The following ELP3 variants were observed in gnomAD, a reference collection of about 807,000 sequenced individuals.
The protein encoded by ELP3 is elongator acetyltransferase complex subunit 3.
A neutral mutation model predicts 74.9 loss-of-function variants in ELP3; 56 were observed. The ratio of observed to expected loss-of-function variants is 0.75; its 90% CI spans 0.60 to 0.93. The LOEUF (loss-of-function observed/expected upper bound fraction) is 0.93, where lower values mean the gene tolerates loss of function less well. ELP3 is among the 40% of genes least tolerant of loss of function. The pLI, the probability that ELP3 is intolerant of heterozygous loss-of-function variation, is 0.00. For synonymous variants in ELP3, 222 were observed against 239.8 expected (o/e 0.93, Z 0.68); for missense variants, 573 against 686.5 (o/e 0.83, Z 1.85).
At chr8:28,155,678 A>G (rs1813797343) in intron 10 of ELP3, among the ~76,000 whole-genome samples, 1 of 152,172 alleles carries the variant, frequency 6.6e-6, no homozygotes, top group Non-Finnish European at 1.5e-5. Context: ...TTTGCTTAGC[A>G]CTCTGTAATT....
upstream of ELP3, among the ~76,000 whole-genome samples, chr8:28,091,177 A>T (rs909770887): frequency 1.3e-5 from 2 of 152,058 alleles, no homozygotes; most frequent in Non-Finnish European, 2.9e-5. Context: ...AAGTGCTGGG[A>T]TTACAGGCAT....
At chr8:28,168,623 AGGC>A (rs1814401633) in intron 14 of ELP3, among the ~76,000 whole-genome samples, 1 of 152,224 alleles carries the variant, frequency 6.6e-6, no homozygotes, top group Admixed American at 6.5e-5. Context: ...GACACTTCAC[AGGC>A]TTTTTTCTGA....
chr8:28,146,438 A>G (rs1563272505), intron 10 of ELP3, among the ~76,000 whole-genome samples: 1 of 152,386 alleles, frequency 6.6e-6, no homozygotes, highest in African/African-American at 2.4e-5. Flanking sequence ...AGCAAATTGC[A>G]AATATCAGCA....
chr8:28,186,023 T>TA (rs1468563300), intron 14 of ELP3, among the ~76,000 whole-genome samples: 3 of 152,356 alleles, frequency 2.0e-5, no homozygotes, highest in Admixed American at 6.5e-5. Flanking sequence ...CTCAGTGACT[T>TA]ATACCCAACA....
chr8:28,099,781 T>C (rs1811398513), intron 2 of ELP3, 47 bp from the exon 3 acceptor site: 1 of 1,609,584 alleles, frequency 6.2e-7, no homozygotes, highest in African/African-American at 1.3e-5. Flanking sequence ...TGGTAGCTTG[T>C]CCTTAAATAA....
intron 7 of ELP3, among the ~76,000 whole-genome samples, chr8:28,119,640 A>G (rs995314365): frequency 7.9e-6 from 1 of 126,602 alleles, no homozygotes; most frequent in Non-Finnish European, 1.6e-5. Flanking sequence ...GAACACATAT[A>G]TTAAGTATAC....
At position 28,132,883 on chromosome 8, in the gene ELP3, G is replaced by A. The variant is rs141454238; in HGVS notation, c.906+479G>A. Reference sequence around the variant, plus strand: ...TTAATATTATTTAAAAAACACTGCAGGTAAATGACTTTATGTGTATAATTT... The same window carrying A: ...TTAATATTATTTAAAAAACACTGCAAGTAAATGACTTTATGTGTATAATTT... On this transcript the variant is annotated intron_variant, in intron 9 of 14. Transcript: ENST00000256398. Among the ~76,000 whole-genome samples, 812 of 152,042 alleles carry A rather than the reference G, an allele frequency of 5.3e-3. 5 individuals are homozygous for A. The highest frequency in any genetic ancestry group is 0.018 in the African/African-American group (758 of 41,482).
chr8:28,154,503 C>G (rs1813755213), intron 10 of ELP3, among the ~76,000 whole-genome samples: 1 of 151,870 alleles, frequency 6.6e-6, no homozygotes, highest in Non-Finnish European at 1.5e-5. Context: ...AGATGTATAG[C>G]CATATATTTA....
At chr8:28,127,623 G>T (rs1812630399) in intron 7 of ELP3, among the ~76,000 whole-genome samples, 1 of 152,132 alleles carries the variant, frequency 6.6e-6, no homozygotes, top group African/African-American at 2.4e-5. Context: ...GTGGCATCAT[G>T]TACTGTTACT....
At position 28,189,776 on chromosome 8, in the gene ELP3, G is replaced by C; in HGVS notation, c.*51G>C. 6.4e-7 allele frequency: 1 copy of C among 1,572,272 alleles called. No individual in the cohort carries two copies. The highest frequency in any genetic ancestry group is 8.8e-7 in the Non-Finnish European group (1 of 1,142,478). ...AGTATCCTCCCTGGCAGAACACGGAGAATCAGGATTTCTTAAATACTCAAC... is the reference window on the plus strand; with the variant it reads ...AGTATCCTCCCTGGCAGAACACGGACAATCAGGATTTCTTAAATACTCAAC... On this transcript the variant is annotated 3_prime_UTR_variant, in exon 15 of 15. Coordinates refer to ENST00000256398, the MANE Select transcript of ELP3 (RefSeq NM_018091.6).
chr8:28,105,207 C>A (rs1333862788), intron 3 of ELP3, among the ~76,000 whole-genome samples: 1 of 151,548 alleles, frequency 6.6e-6, no homozygotes, highest in Admixed American at 6.6e-5. Flanking sequence ...CATGGCAAAA[C>A]CCTGTCTCTA....
In ELP3 at chr8:28,189,799, A is replaced by G; in HGVS notation, c.*74A>G. Reference sequence around the variant, plus strand: ...GAGAATCAGGATTTCTTAAATACTCAACAGAGAGGCTGAGCAGAGCAAATG... The same window carrying G: ...GAGAATCAGGATTTCTTAAATACTCGACAGAGAGGCTGAGCAGAGCAAATG... On this transcript the variant is annotated 3_prime_UTR_variant, in exon 15 of 15. Coordinates refer to ENST00000256398, the MANE Select transcript of ELP3 (RefSeq NM_018091.6). 1 of 1,497,608 alleles carries G rather than the reference A, an allele frequency of 6.7e-7. No individual in the cohort carries two copies. The highest frequency in any genetic ancestry group is 9.3e-7 in the Non-Finnish European group (1 of 1,076,326). 92.8% of individuals were successfully genotyped at this position (1,497,608 alleles called of 1,614,324 possible). A position where few individuals can be genotyped will look rare whatever the true frequency, so the allele number is the denominator to read the frequency against.
intron 14 of ELP3, among the ~76,000 whole-genome samples, chr8:28,171,619 TTTC>T (rs1814530772): frequency 6.6e-6 from 1 of 152,196 alleles, no homozygotes; most frequent in Non-Finnish European, 1.5e-5. Flanking sequence ...GCCTTTTCAC[TTTC>T]TTGATACTTT....
intron 3 of ELP3, among the ~76,000 whole-genome samples, chr8:28,101,242 A>G (rs571493864): frequency 3.3e-5 from 5 of 151,690 alleles, no homozygotes; most frequent in East Asian, 3.9e-4. Flanking sequence ...ACGAAAGCCC[A>G]TCTCTACTAA....
At chr8:28,165,623 G>GT (rs5890403) in intron 14 of ELP3, among the ~76,000 whole-genome samples, 3,089 of 152,294 alleles carry the variant, frequency 0.02, 45 homozygotes, top group Middle Eastern at 0.034. Flanking sequence ...TTACTGTTGT[G>GT]TAAGAGTAAT....
intron 14 of ELP3, among the ~76,000 whole-genome samples, chr8:28,167,818 A>G (rs182863263): frequency 3.2e-4 from 48 of 152,236 alleles, no homozygotes; most frequent in African/African-American, 1.1e-3. Context: ...AAGATCATAT[A>G]TGTTTCTTTT....
chr8:28,123,510 G>T (rs1812452863), intron 7 of ELP3, among the ~76,000 whole-genome samples: 4 of 152,148 alleles, frequency 2.6e-5, no homozygotes, highest in Admixed American at 2.6e-4. Flanking sequence ...TGGGTGTCAT[G>T]TTCTATAAAT....
chr8:28,179,263 A>T (rs1466747953), intron 14 of ELP3, among the ~76,000 whole-genome samples: 1 of 152,176 alleles, frequency 6.6e-6, no homozygotes, highest in Non-Finnish European at 1.5e-5. Context: ...CTATATCTTC[A>T]AAGTATTTTC....
Position 28,137,792 on chromosome 8 carries a change from C to G in ELP3, c.1001C>G (p.Ser334Ter). Residue 334 changes from serine (S) to a stop codon, truncating the protein, a stop_gained, in exon 10 of 15, where the codon TCA (serine) becomes TGA (stop). Transcript: ENST00000256398. LOFTEE classifies it high-confidence loss of function. ...ACCGGGCTTTATGAGCTTTGGAAAT[C>G]AGGAAGATATAAGAGTTACTCTCCT... ...RGTGLYELWK[S>*]GRYKSYSPSD... 5 of 1,614,064 alleles carry G rather than the reference C, an allele frequency of 3.1e-6. No homozygotes were observed. Among genetic ancestry groups the G allele is most frequent in the Non-Finnish European group, 4.2e-6 (5 of 1,179,996 alleles).
Sources: allele counts gnomAD v4.1 joint callset (sites outside exome capture counted in the v4.1 genomes callset), GRCh38; gene constraint gnomAD v4.1.1; transcripts MANE v1.5; gene names NCBI Gene and HGNC (gene_info 2026-07-23, HGNC 2026-07-21).